Variants in KCNQ5 observed in about 807,000 individuals in gnomAD.
The protein encoded by KCNQ5 is potassium voltage-gated channel subfamily Q member 5, also known as potassium voltage-gated channel subfamily KQT member 5.
Under a neutral mutation model 98.2 loss-of-function variants are expected in KCNQ5, and 30 were observed. The ratio of observed to expected loss-of-function variants is 0.31; its 90% CI spans 0.23 to 0.41. KCNQ5 has a LOEUF of 0.41. Ranked by LOEUF, KCNQ5 falls within the 10% of genes least tolerant of loss-of-function variation. The pLI is 1.00. For missense variants in KCNQ5, 835 were observed against 1,182.5 expected, an observed-to-expected ratio of 0.71 and a Z score of 4.31; for synonymous variants, 458 against 449.4, an observed-to-expected ratio of 1.02 and a Z score of -0.24.
intron 1 of KCNQ5, among the ~76,000 whole-genome samples, chr6:72,676,314 C>A (rs895465058): frequency 1.3e-5 from 2 of 148,256 alleles, no homozygotes; most frequent in Admixed American, 6.7e-5. Flanking sequence ...CTCCCTTTTT[C>A]TTGGATTATT....
chr6:72,846,008 G>A (rs911652893), intron 1 of KCNQ5, among the ~76,000 whole-genome samples: 3 of 152,142 alleles, frequency 2.0e-5, no homozygotes, highest in African/African-American at 7.2e-5. Context: ...AGCCTGTTCA[G>A]GGTGACACAA....
At chr6:72,684,174 G>A (rs1767841273) in intron 1 of KCNQ5, among the ~76,000 whole-genome samples, 1 of 152,146 alleles carries the variant, frequency 6.6e-6, no homozygotes, top group African/African-American at 2.4e-5. Context: ...TTCCGAATGA[G>A]TATGGGTTCC....
chr6:73,093,778 T>C (rs1203903747), intron 5 of KCNQ5, among the ~76,000 whole-genome samples: 1 of 152,178 alleles, frequency 6.6e-6, no homozygotes, highest in Admixed American at 6.6e-5. Context: ...GAGTGCTTGA[T>C]ATAATTTCAA....
chr6:72,771,984 T>G (rs2154477470), intron 1 of KCNQ5, among the ~76,000 whole-genome samples: 1 of 152,150 alleles, frequency 6.6e-6, no homozygotes, highest in South Asian at 2.1e-4. Flanking sequence ...TAGTCTATGG[T>G]TTTCAGCAAA....
chr6:73,029,018 C>T (rs1192650420), intron 2 of KCNQ5, among the ~76,000 whole-genome samples: 2 of 152,136 alleles, frequency 1.3e-5, no homozygotes, highest in Non-Finnish European at 2.9e-5. Flanking sequence ...TGGATAGAGG[C>T]CGTCACCCAT....
intron 5 of KCNQ5, among the ~76,000 whole-genome samples, chr6:73,101,313 G>A (rs1027920489): frequency 6.6e-6 from 1 of 152,126 alleles, no homozygotes; most frequent in African/African-American, 2.4e-5. Context: ...ATTTATCTCA[G>A]GGATGCAAGG....
intron 1 of KCNQ5, among the ~76,000 whole-genome samples, chr6:72,768,888 A>G (rs1039071958): frequency 3.3e-5 from 5 of 152,072 alleles, no homozygotes; most frequent in African/African-American, 1.2e-4. Context: ...CATGGTTTAC[A>G]TTTAAAAATA....
chr6:73,116,623 C>A (rs761162121), intron 7 of KCNQ5, among the ~76,000 whole-genome samples: 3 of 152,158 alleles, frequency 2.0e-5, no homozygotes, highest in Non-Finnish European at 4.4e-5. Flanking sequence ...CTGCTGTGAG[C>A]TATAATTGTA....
At chr6:72,852,267 T>G (rs921965034) in intron 1 of KCNQ5, among the ~76,000 whole-genome samples, 5 of 152,082 alleles carry the variant, frequency 3.3e-5, no homozygotes, top group African/African-American at 1.2e-4. Context: ...ATTTTCTGGA[T>G]TTTAGAAAGG....
chr6:73,195,632 T>C lies in KCNQ5; in HGVS notation c.*218T>C. 1.8e-6 allele frequency: 1 copy of C among 557,402 alleles called. No homozygotes were observed. The highest frequency in any genetic ancestry group is 5.1e-4 in the Middle Eastern group (1 of 1,978). 34.5% of individuals were successfully genotyped at this position (557,402 alleles called of 1,614,324 possible). A position where few individuals can be genotyped will look rare whatever the true frequency, so the allele number is the denominator to read the frequency against. On this transcript the variant is annotated 3_prime_UTR_variant, in exon 14 of 14. Transcript: ENST00000370398. The stretch of plus-strand genomic sequence containing the variant: ...ACATTAACCCACTCATTTAGTAATG[T>C]ACCTTGAGTTAAAAAGCCTGAGAAA...
At chr6:72,894,872 A>G (rs1779184071) in intron 1 of KCNQ5, among the ~76,000 whole-genome samples, 1 of 152,094 alleles carries the variant, frequency 6.6e-6, no homozygotes. Context: ...CATAGGAAGT[A>G]AATAACATAG....
At chr6:73,098,989 T>G (rs1774642907) in intron 5 of KCNQ5, among the ~76,000 whole-genome samples, 1 of 152,038 alleles carries the variant, frequency 6.6e-6, no homozygotes, top group Non-Finnish European at 1.5e-5. Context: ...AACAAAAAGT[T>G]TAAAAGTGGG....
intron 10 of KCNQ5, among the ~76,000 whole-genome samples, chr6:73,160,968 T>A (rs970857693): frequency 4.6e-5 from 7 of 152,214 alleles, no homozygotes; most frequent in African/African-American, 1.7e-4. Flanking sequence ...AAAGAAGATA[T>A]CCAAAAGAAA....
chr6:73,036,858 A>C (rs116536271), intron 2 of KCNQ5, among the ~76,000 whole-genome samples: 346 of 152,286 alleles, frequency 2.3e-3, no homozygotes, highest in African/African-American at 7.7e-3. Context: ...TCTGACACGA[A>C]TGCCCAAGAG....
At chr6:73,077,061 C>T (rs547290475) in intron 3 of KCNQ5, among the ~76,000 whole-genome samples, 5 of 152,126 alleles carry the variant, frequency 3.3e-5, no homozygotes, top group African/African-American at 1.2e-4. Context: ...TTAAATAATA[C>T]GTTGTTCAAA....
intron 5 of KCNQ5, among the ~76,000 whole-genome samples, chr6:73,092,095 T>A (rs4404742): frequency 6.6e-6 from 1 of 151,078 alleles, no homozygotes; most frequent in Non-Finnish European, 1.5e-5. Context: ...TTTTTGTTTG[T>A]TTGTTTTTTG....
chr6:72,986,856 A>C, intron 1 of KCNQ5: 1 of 992,032 alleles, frequency 1.0e-6, no homozygotes, highest in East Asian at 2.4e-5. Flanking sequence ...CTCTCAGTCC[A>C]GAACCCTTGG....
intron 1 of KCNQ5, among the ~76,000 whole-genome samples, chr6:72,698,049 C>T (rs1168854298): frequency 6.6e-6 from 1 of 152,094 alleles, no homozygotes. Flanking sequence ...GACCCTTTCT[C>T]TACAAAAATA....
chr6:72,959,188 C>G (rs1767221745), intron 1 of KCNQ5, among the ~76,000 whole-genome samples: 1 of 152,182 alleles, frequency 6.6e-6, no homozygotes, highest in Non-Finnish European at 1.5e-5. Context: ...ATTCAGCTTT[C>G]AGGCTAGGCC....
Sources: gnomAD v4.1 joint callset for allele counts (sites outside exome capture counted in the v4.1 genomes callset) on GRCh38, gnomAD v4.1.1 for gene constraint, MANE v1.5 for transcripts, NCBI Gene and HGNC (gene_info 2026-07-23, HGNC 2026-07-21) for gene names.